SGCZ: variants seen among roughly 807,000 people sequenced by gnomAD.
The protein encoded by SGCZ is zeta-sarcoglycan.
SGCZ carries 40 observed loss-of-function variants against 41.3 expected under a neutral mutation model. The ratio of observed to expected loss-of-function variants is 0.97; its 90% confidence interval spans 0.75 to 1.26. The LOEUF is 1.26. Ranked by LOEUF, SGCZ falls within the 50% of genes most tolerant of loss-of-function variation. The pLI, the probability that SGCZ is intolerant of heterozygous loss-of-function variation, is 0.00. For synonymous variants in SGCZ, 206 were observed against 137.5 expected (o/e 1.50, Z -3.49); for missense variants, 552 against 369.8 (o/e 1.49, Z -4.04).
chr8:15,022,487 G>A (rs1444877157), intron 1 of SGCZ, among the ~76,000 whole-genome samples: 1 of 152,078 alleles, frequency 6.6e-6, no homozygotes, highest in Non-Finnish European at 1.5e-5. Context: ...GGGACTACAG[G>A]CATGAGCCAC....
rs569265266 is a variant in SGCZ at position 15,014,745 on chromosome 8, CT to C, written c.39+222839del. The stretch of plus-strand genomic sequence containing the variant: ...TTCCATGACCAGGAGTCCATACTGA[CT>C]TTATAAAAGGCTTGATTCCTTCAGG... On this transcript the variant is annotated intron_variant, in intron 1 of 7. Coordinates refer to ENST00000382080, the MANE Select transcript of SGCZ (RefSeq NM_139167.4). Among the ~76,000 whole-genome samples the C allele has an allele frequency of 1.6e-4, 24 of 152,330 alleles. No homozygotes were observed. The South Asian group carries it at 4.6e-3, about 29-fold the overall frequency.
intron 2 of SGCZ, among the ~76,000 whole-genome samples, chr8:14,361,411 C>G (rs188488239): frequency 6.6e-6 from 1 of 152,108 alleles, no homozygotes; most frequent in South Asian, 2.1e-4. Flanking sequence ...CTTATCTTAT[C>G]GCTTTATTTC....
At chr8:15,048,927 A>T (rs1018892423) in intron 1 of SGCZ, among the ~76,000 whole-genome samples, 32 of 152,104 alleles carry the variant, frequency 2.1e-4, no homozygotes, top group Admixed American at 2.1e-3. Flanking sequence ...ACTTGGAATA[A>T]TTTTTGCTAT....
At chr8:14,711,720 C>CT in intron 1 of SGCZ, among the ~76,000 whole-genome samples, 1 of 151,878 alleles carries the variant, frequency 6.6e-6, no homozygotes. Context: ...GTTAATAGTC[C>CT]TTTTTTGTGC....
chr8:15,004,619 A>T (rs969247337), intron 1 of SGCZ, among the ~76,000 whole-genome samples: 2 of 152,288 alleles, frequency 1.3e-5, no homozygotes, highest in East Asian at 3.9e-4. Flanking sequence ...GTTTCTCGCT[A>T]TATAAACTCT....
intron 2 of SGCZ, among the ~76,000 whole-genome samples, chr8:14,482,447 T>C (rs1801559932): frequency 6.6e-6 from 1 of 152,194 alleles, no homozygotes; most frequent in Non-Finnish European, 1.5e-5. Flanking sequence ...TGATTTTTCC[T>C]CCTTTAATCT....
chr8:14,801,837 G>A (rs1258967256), intron 1 of SGCZ, among the ~76,000 whole-genome samples: 1 of 71,398 alleles, frequency 1.4e-5, no homozygotes, highest in Non-Finnish European at 4.1e-5. Context: ...ATATACAAGA[G>A]GATGGTTAGA....
intron 4 of SGCZ, among the ~76,000 whole-genome samples, chr8:14,201,780 T>G (rs1291778156): frequency 6.6e-6 from 1 of 152,138 alleles, no homozygotes; most frequent in Non-Finnish European, 1.5e-5. Flanking sequence ...AATTATACCT[T>G]CACAGACTCT....
intron 1 of SGCZ, among the ~76,000 whole-genome samples, chr8:14,579,074 T>C (rs151006396): frequency 6.6e-6 from 1 of 152,134 alleles, no homozygotes; most frequent in Non-Finnish European, 1.5e-5. Context: ...AAGCTCAAAG[T>C]AAATGTTTAA....
At chr8:14,593,835 T>C (rs1014140642) in intron 1 of SGCZ, among the ~76,000 whole-genome samples, 1 of 152,118 alleles carries the variant, frequency 6.6e-6, no homozygotes, top group African/African-American at 2.4e-5. Context: ...GTCAGCAGTT[T>C]TCAGACTTGG....
At chr8:14,561,584 C>T (rs548902575) in intron 1 of SGCZ, among the ~76,000 whole-genome samples, 3 of 152,262 alleles carry the variant, frequency 2.0e-5, no homozygotes, top group Admixed American at 6.5e-5. Flanking sequence ...TTTCATATCA[C>T]ATTTTATGTT....
rs562094892 is a variant in SGCZ, at chr8:14,354,325, A to T, written c.235-30121T>A. Among the ~76,000 whole-genome samples the T allele has an allele frequency of 9.9e-5, 15 of 152,074 alleles. 2 individuals carry two copies. Among genetic ancestry groups the T allele is most frequent in the East Asian group, 7.7e-4 (4 of 5,186 alleles). On this transcript the variant is annotated intron_variant, in intron 2 of 7. Transcript: ENST00000382080. ...TTAATGTTATTAGAAAATAATCTTTATATAAATGTAATAAACTGTATAAAA... is the reference window on the plus strand; with the variant it reads ...TTAATGTTATTAGAAAATAATCTTTTTATAAATGTAATAAACTGTATAAAA...
intron 2 of SGCZ, among the ~76,000 whole-genome samples, chr8:14,342,695 G>C (rs1400517550): frequency 1.3e-5 from 2 of 152,000 alleles, no homozygotes; most frequent in African/African-American, 4.8e-5. Context: ...TAGTCGGGAA[G>C]CAGAGCATAA....
chr8:14,798,584 G>C (rs910457727), intron 1 of SGCZ, among the ~76,000 whole-genome samples: 14 of 152,110 alleles, frequency 9.2e-5, no homozygotes, highest in Admixed American at 5.2e-4. Context: ...AAATGCTTCA[G>C]CACTTTATAC....
intron 1 of SGCZ, among the ~76,000 whole-genome samples, chr8:14,714,213 C>G (rs974912716): frequency 2.0e-5 from 3 of 152,016 alleles, no homozygotes; most frequent in Non-Finnish European, 4.4e-5. Flanking sequence ...CTGATCTGCC[C>G]GTCTCGGCCT....
intron 3 of SGCZ, among the ~76,000 whole-genome samples, chr8:14,313,371 T>C (rs938795882): frequency 6.6e-6 from 1 of 152,230 alleles, no homozygotes; most frequent in Non-Finnish European, 1.5e-5. Flanking sequence ...TGGATCACAG[T>C]TGCGCCATCT....
chr8:14,899,263 C>T lies in SGCZ; in HGVS notation c.39+338322G>A, dbSNP rs919206173. ...AACTTGCAATTTAAGATCTCCTTGC[C>T]GGCAATCCCTTCTTCCTTTCTTCCT... On this transcript the variant is annotated intron_variant, in intron 1 of 7. Transcript: ENST00000382080. Among the ~76,000 whole-genome samples, 10 of 152,176 alleles carry T rather than the reference C, an allele frequency of 6.6e-5. No homozygotes were observed. The South Asian group carries it at 1.5e-3, about 22-fold the overall frequency.
At chr8:14,434,679 T>C (rs1342703275) in intron 2 of SGCZ, among the ~76,000 whole-genome samples, 1 of 152,192 alleles carries the variant, frequency 6.6e-6, no homozygotes, top group African/African-American at 2.4e-5. Flanking sequence ...TAGGGGTCTT[T>C]TACCTCCTTG....
chr8:15,001,531 C>T (rs928955944), intron 1 of SGCZ, among the ~76,000 whole-genome samples: 4 of 152,110 alleles, frequency 2.6e-5, no homozygotes, highest in Non-Finnish European at 5.9e-5. Flanking sequence ...AGATCGAGAC[C>T]ATCCTGGCTA....
Sources: allele counts gnomAD v4.1 joint callset (sites outside exome capture counted in the v4.1 genomes callset), GRCh38; gene constraint gnomAD v4.1.1; transcripts MANE v1.5; gene names NCBI Gene and HGNC (gene_info 2026-07-23, HGNC 2026-07-21).